The following KITLG variants were observed in gnomAD, a reference collection of about 807,000 sequenced individuals.
KITLG encodes c-Kit ligand.
Under a neutral mutation model 34.1 loss-of-function variants are expected in KITLG, and 13 were observed. The ratio of observed to expected loss-of-function variants is 0.38; its 90% CI spans 0.25 to 0.61. KITLG has a LOEUF of 0.61. Ranked by LOEUF, KITLG falls within the 20% of genes least tolerant of loss-of-function variation. The pLI is 0.60. For synonymous variants in KITLG, 110 were observed against 104.0 expected, an observed-to-expected ratio of 1.06 and a Z score of -0.35; for missense variants, 292 against 318.9, an observed-to-expected ratio of 0.92 and a Z score of 0.64.
intron 1 of KITLG, among the ~76,000 whole-genome samples, chr12:88,565,184 A>G (rs1395630513): frequency 6.6e-6 from 1 of 152,238 alleles, no homozygotes; most frequent in Non-Finnish European, 1.5e-5. Context: ...AAACTACACA[A>G]CATCCTTTAC....
At chr12:88,534,166 C>T (rs190298315) in intron 2 of KITLG, among the ~76,000 whole-genome samples, 1 of 152,202 alleles carries the variant, frequency 6.6e-6, no homozygotes, top group East Asian at 1.9e-4. Context: ...GGGTCAAGTG[C>T]CTTGACTAAG....
intron 3 of KITLG, among the ~76,000 whole-genome samples, chr12:88,524,369 T>C (rs1056799888): frequency 6.6e-5 from 10 of 152,206 alleles, no homozygotes; most frequent in Non-Finnish European, 5.9e-5. Flanking sequence ...TGGTAAATTT[T>C]ATTAAAAAAT....
At chr12:88,514,197 T>A (rs956535263) in intron 6 of KITLG, among the ~76,000 whole-genome samples, 1 of 151,736 alleles carries the variant, frequency 6.6e-6, no homozygotes, top group Non-Finnish European at 1.5e-5. Flanking sequence ...AGAAAATTTA[T>A]ACCTTTAAGT....
chr12:88,522,473 G>A (rs145467102), intron 3 of KITLG, among the ~76,000 whole-genome samples: 4 of 136,476 alleles, frequency 2.9e-5, no homozygotes, highest in East Asian at 2.3e-4. Context: ...TCTCGCCCAC[G>A]CTGGAGTGCA....
At chr12:88,514,754 A>T (rs1422854065) in intron 6 of KITLG, among the ~76,000 whole-genome samples, 1 of 151,718 alleles carries the variant, frequency 6.6e-6, no homozygotes, top group African/African-American at 2.4e-5. Context: ...AATTAGTAAT[A>T]AATTGATTAC....
Position 88,545,417 on chromosome 12 carries a change from G to A in KITLG, c.129+335C>T, listed in dbSNP as rs910767398. 3.9e-5 allele frequency among the ~76,000 whole-genome samples: 6 copies of A among 152,186 alleles called. 1 individual carries two copies. Among genetic ancestry groups the A allele is most frequent in the Admixed American group, 2.6e-4 (4 of 15,284 alleles). On this transcript the variant is annotated intron_variant, in intron 2 of 9. Coordinates refer to ENST00000644744, the MANE Select transcript of KITLG (RefSeq NM_000899.5). ...AATAGAACATGCTGGGAAACCCACT[G>A]GAGAGATTATGGGGAACAAGCTGGG...
intron 1 of KITLG, among the ~76,000 whole-genome samples, chr12:88,568,093 T>C (rs1485032625): frequency 9.1e-5 from 1 of 11,000 alleles, no homozygotes; most frequent in Non-Finnish European, 1.3e-4. Flanking sequence ...AGAGCACTGC[T>C]CAGTTAATTA....
chr12:88,541,717 G>A (rs756338308), intron 2 of KITLG, among the ~76,000 whole-genome samples: 17 of 152,058 alleles, frequency 1.1e-4, no homozygotes, highest in Admixed American at 2.0e-4. Context: ...AAAATGTTCT[G>A]TAAATAGATG....
chr12:88,503,580 C>T (rs958291303), intron 9 of KITLG, among the ~76,000 whole-genome samples: 1 of 152,180 alleles, frequency 6.6e-6, no homozygotes, highest in Non-Finnish European at 1.5e-5. Context: ...AAGTGAGGGA[C>T]AGCATGAATC....
At chr12:88,522,721 C>A (rs188654069) in intron 3 of KITLG, among the ~76,000 whole-genome samples, 1 of 152,028 alleles carries the variant, frequency 6.6e-6, no homozygotes, top group African/African-American at 2.4e-5. Context: ...AGCCACCGCG[C>A]CCACCCCACA....
chr12:88,545,292 A>G (rs189760924), intron 2 of KITLG, among the ~76,000 whole-genome samples: 2 of 152,336 alleles, frequency 1.3e-5, no homozygotes, highest in East Asian at 3.9e-4. Flanking sequence ...ACCCACTGAC[A>G]TGTGACAGGG....
chr12:88,568,580 T>C (rs1172684423), intron 1 of KITLG, among the ~76,000 whole-genome samples: 2 of 152,140 alleles, frequency 1.3e-5, no homozygotes, highest in African/African-American at 4.8e-5. Flanking sequence ...GTAATCATAA[T>C]AGTGGAGCTA....
At chr12:88,506,496 G>C in intron 7 of KITLG, 118 bp from the exon 8 acceptor site, 1 of 754,564 alleles carries the variant, frequency 1.3e-6, no homozygotes, top group Non-Finnish European at 2.4e-6. Context: ...AGTTTTTTCA[G>C]CATGTAGCAT....
chr12:88,544,702 T>C (rs1870651514), intron 2 of KITLG, among the ~76,000 whole-genome samples: 1 of 152,098 alleles, frequency 6.6e-6, no homozygotes, highest in Non-Finnish European at 1.5e-5. Context: ...TTGTATAAAT[T>C]GTGTCTGTGT....
intron 2 of KITLG, among the ~76,000 whole-genome samples, chr12:88,543,219 G>A (rs900860716): frequency 3.3e-5 from 5 of 152,020 alleles, no homozygotes; most frequent in Non-Finnish European, 7.4e-5. Context: ...CCATCAGCTC[G>A]TCATTTACAT....
chr12:88,576,746 G>A (rs1217012889), intron 1 of KITLG, among the ~76,000 whole-genome samples: 1 of 151,954 alleles, frequency 6.6e-6, no homozygotes, highest in Non-Finnish European at 1.5e-5. Context: ...GCTCAGATAT[G>A]GTTTATTCTC....
At chr12:88,551,512 G>A (rs1416227811) in intron 1 of KITLG, among the ~76,000 whole-genome samples, 2 of 152,220 alleles carry the variant, frequency 1.3e-5, no homozygotes, top group African/African-American at 4.8e-5. Flanking sequence ...TCTCAGTTAT[G>A]TAGTTGTAGC....
intron 3 of KITLG, 101 bp downstream of exon 3, chr12:88,532,340 A>T: frequency 2.3e-6 from 2 of 888,794 alleles, no homozygotes; most frequent in Non-Finnish European, 3.6e-6. Flanking sequence ...TCCTGACAAT[A>T]AGCAAGCTCC....
chr12:88,509,861 G>T (rs1869208877), intron 6 of KITLG, among the ~76,000 whole-genome samples: 1 of 152,142 alleles, frequency 6.6e-6, no homozygotes, highest in Non-Finnish European at 1.5e-5. Flanking sequence ...ACTTTCCACT[G>T]CAGCTATCGA....
Sources: allele counts gnomAD v4.1 joint callset (sites outside exome capture counted in the v4.1 genomes callset), GRCh38; gene constraint gnomAD v4.1.1; transcripts MANE v1.5; gene names NCBI Gene and HGNC (gene_info 2026-07-23, HGNC 2026-07-21).